RUFY3: variants seen among roughly 807,000 people sequenced by gnomAD.
RUFY3 encodes the protein RUN and FYVE domain containing 3, also known as protein RUFY3.
RUFY3 carries 34 observed loss-of-function variants against 84.0 expected under a neutral mutation model. The ratio of observed to expected loss-of-function variants is 0.40; its 90% confidence interval spans 0.31 to 0.54. The LOEUF is 0.54. Ranked by LOEUF, RUFY3 falls within the 20% of genes least tolerant of loss-of-function variation. The probability of loss-of-function intolerance (pLI) is 0.39; values close to 1 mark genes in which losing one functional copy is unlikely to be tolerated. For synonymous variants in RUFY3, 242 were observed against 252.9 expected (o/e 0.96, Z 0.41); for missense variants, 507 against 736.8 (o/e 0.69, Z 3.61).
intron 1 of RUFY3, among the ~76,000 whole-genome samples, chr4:70,755,048 C>T (rs555160919): frequency 1.9e-4 from 29 of 152,142 alleles, no homozygotes; most frequent in African/African-American, 4.8e-4. Flanking sequence ...GGATTACAGG[C>T]GCCTGCCACC....
chr4:70,722,809 G>T lies in RUFY3; in HGVS notation c.178+58G>T. On this transcript the variant is annotated intron_variant, in intron 1 of 17. Transcript: ENST00000381006. ...CAGCATCCTCATTGTTATGGGGGAG[G>T]GCTGGGAGGATCAGGGAGAGGTAGA... The T allele has an allele frequency of 2.6e-6, 4 of 1,532,066 alleles. No homozygotes were observed. In the Admixed American group the frequency reaches 6.9e-5, roughly 27 times the overall value. The allele number at this position is 1,532,066 out of a possible 1,614,324, so 94.9% of individuals were successfully genotyped here.
At chr4:70,705,146 C>T (rs761951356) in exon 1 of RUFY3, 7 of 1,456,342 alleles carry the variant, frequency 4.8e-6, no homozygotes, top group Non-Finnish European at 6.3e-6. Flanking sequence ...TGCTGTACCC[C>T]GGCGATGGAG....
At chr4:70,764,422 C>T in intron 3 of RUFY3, 53 bp from the exon 4 acceptor site, 1 of 1,197,992 alleles carries the variant, frequency 8.3e-7, no homozygotes, top group South Asian at 1.2e-5. Context: ...TCTACTGTAG[C>T]CTTTGCTTCT....
intron 1 of RUFY3, among the ~76,000 whole-genome samples, chr4:70,731,637 G>A (rs1230078738): frequency 6.6e-6 from 1 of 151,994 alleles, no homozygotes; most frequent in Non-Finnish European, 1.5e-5. Flanking sequence ...GCGCAGTCTC[G>A]GCTCACTGCA....
intron 9 of RUFY3, 56 bp downstream of exon 9, chr4:70,783,239 G>T: frequency 1.8e-6 from 2 of 1,084,772 alleles, no homozygotes; most frequent in Non-Finnish European, 1.4e-6. Context: ...CTTGTTAGTG[G>T]TAAAGGGGAG....
At position 70,805,920 on chromosome 4, in the gene RUFY3, T is replaced by G. The variant is rs546799712; in HGVS notation, c.1720-596T>G. The stretch of plus-strand genomic sequence containing the variant: ...CTGCTGACATTGCTATAGTGACTTC[T>G]TGCTCTCTGTGCTTGACCATTAAAG... On this transcript the variant is annotated intron_variant, in intron 17 of 17. Transcript: ENST00000381006. Among the ~76,000 whole-genome samples, 8 of 152,324 alleles carry G rather than the reference T, an allele frequency of 5.3e-5. No individual in the cohort carries two copies. In the South Asian group the frequency reaches 1.7e-3, roughly 32 times the overall value.
Position 70,806,721 on chromosome 4 carries a change from C to A in RUFY3, c.*62C>A. ...AGGCTCCTCTGTACCTGTGTTTTAG[C>A]TGTCAGGATCTCATAGAGCCCAGTT... On this transcript the variant is annotated 3_prime_UTR_variant, in exon 18 of 18. Transcript: ENST00000381006. 1.3e-6 allele frequency: 2 copies of A among 1,582,236 alleles called. No homozygotes were observed. Among genetic ancestry groups the A allele is most frequent in the South Asian group, 1.1e-5 (1 of 87,998 alleles).
At chr4:70,746,309 A>C (rs1245233954) in intron 1 of RUFY3, among the ~76,000 whole-genome samples, 1 of 151,214 alleles carries the variant, frequency 6.6e-6, no homozygotes, top group African/African-American at 2.4e-5. Context: ...ATGCCACTGC[A>C]CTCAAGCCTG....
chr4:70,755,925 C>T (rs987470253), intron 1 of RUFY3, among the ~76,000 whole-genome samples: 5 of 150,446 alleles, frequency 3.3e-5, no homozygotes, highest in African/African-American at 9.8e-5. Context: ...CACTCCATCC[C>T]GGGTGACAGA....
rs1725003985 is a variant in RUFY3, at chr4:70,761,352, A to G, written c.179-1167A>G. On this transcript the variant is annotated intron_variant, in intron 1 of 17. Transcript: ENST00000381006. ...GATGAGAGAATAAGTAGGTAAAATAATCATGTAAAAGAATGGTCAGGAGGA... is the reference window on the plus strand; with the variant it reads ...GATGAGAGAATAAGTAGGTAAAATAGTCATGTAAAAGAATGGTCAGGAGGA... Among the ~76,000 whole-genome samples the G allele has an allele frequency of 2.6e-5, 4 of 152,288 alleles. No homozygotes were observed. In the South Asian group the frequency reaches 8.3e-4, roughly 32 times the overall value.
intron 12 of RUFY3, chr4:70,792,047 C>T: frequency 1.0e-6 from 1 of 985,414 alleles, no homozygotes; most frequent in Non-Finnish European, 1.2e-6. Context: ...TCATCTTCTA[C>T]CTCTGCCGTT....
At chr4:70,729,134 G>T (rs923342883) in intron 1 of RUFY3, among the ~76,000 whole-genome samples, 1 of 152,208 alleles carries the variant, frequency 6.6e-6, no homozygotes, top group Non-Finnish European at 1.5e-5. Flanking sequence ...CATTAATTTA[G>T]AGATAATATA....
chr4:70,742,973 G>C (rs1721565093), intron 1 of RUFY3, among the ~76,000 whole-genome samples: 1 of 152,110 alleles, frequency 6.6e-6, no homozygotes, highest in African/African-American at 2.4e-5. Flanking sequence ...TTGTCTAGTT[G>C]ATTGACAGTT....
chr4:70,754,472 ATATAGT>A (rs1242673998), intron 1 of RUFY3, among the ~76,000 whole-genome samples: 1 of 152,114 alleles, frequency 6.6e-6, no homozygotes. Context: ...GAATAGATAG[ATATAGT>A]TATGGATATA....
At chr4:70,743,108 G>T (rs142102040) in intron 1 of RUFY3, among the ~76,000 whole-genome samples, 1 of 151,844 alleles carries the variant, frequency 6.6e-6, no homozygotes, top group East Asian at 1.9e-4. Flanking sequence ...TCACTCCATC[G>T]TCCAGGCTGC....
exon 1 of RUFY3, chr4:70,705,278 C>T (rs376893120): frequency 4.2e-6 from 6 of 1,429,648 alleles, no homozygotes; most frequent in East Asian, 3.1e-5. Flanking sequence ...GCGGCAGCAG[C>T]GGCAGCGGCA....
chr4:70,800,082 G>C (rs893226190), intron 14 of RUFY3, 59 bp from the exon 15 acceptor site: 6 of 1,503,448 alleles, frequency 4.0e-6, no homozygotes, highest in African/African-American at 1.4e-5. Flanking sequence ...GAAAATATTT[G>C]CAATATCATT....
intron 8 of RUFY3, among the ~76,000 whole-genome samples, chr4:70,780,950 G>C: frequency 6.6e-6 from 1 of 151,886 alleles, no homozygotes; most frequent in East Asian, 1.9e-4. Flanking sequence ...TCCATTTTGG[G>C]TTTAAGAAAG....
At chr4:70,762,423 A>C (rs1725190194) in intron 1 of RUFY3, 96 bp from the exon 2 acceptor site, 2 of 1,073,242 alleles carry the variant, frequency 1.9e-6, no homozygotes, top group Non-Finnish European at 2.6e-6. Context: ...TTTTTTTCAC[A>C]GTGAGTACAT....
Sources: gnomAD v4.1 joint callset for allele counts (sites outside exome capture counted in the v4.1 genomes callset) on GRCh38, gnomAD v4.1.1 for gene constraint, MANE v1.5 for transcripts, NCBI Gene and HGNC (gene_info 2026-07-23, HGNC 2026-07-21) for gene names.